Variants in ADCY4 observed in about 807,000 individuals in gnomAD.
The protein encoded by ADCY4 is adenylate cyclase type 4.
ADCY4 carries 111 observed loss-of-function variants against 125.5 expected under a neutral mutation model. The observed-to-expected ratio is 0.88, with a 90% CI of 0.76 to 1.04. The LOEUF (loss-of-function observed/expected upper bound fraction) is 1.04, where lower values mean the gene tolerates loss of function less well. Ranked by LOEUF, ADCY4 falls within the 50% of genes least tolerant of loss-of-function variation. The pLI, the probability that ADCY4 is intolerant of heterozygous loss-of-function variation, is 0.00. For missense variants in ADCY4, 1,256 were observed against 1,382.9 expected (o/e 0.91, Z 1.46); for synonymous variants, 576 against 586.9 (o/e 0.98, Z 0.27).
rs2041884569 is a variant in ADCY4 at position 24,323,242 on chromosome 14, G to T, written c.2157+102C>A. On this transcript the variant is annotated intron_variant, in intron 17 of 24. Transcript: ENST00000418030. ...TACACACTGGGTGTGACTTATGTCT[G>T]TTCTAATCCACAGAATGGAGCGTTC... 2.8e-6 allele frequency: 4 copies of T among 1,406,362 alleles called. No homozygotes were observed. In the Admixed American group the frequency reaches 6.0e-5, roughly 21 times the overall value. The allele number at this position is 1,406,362 out of a possible 1,614,324, so 87.1% of individuals were successfully genotyped here.
At chr14:24,323,214 T>C in intron 17 of ADCY4, 126 bp from the exon 18 acceptor site, 1 of 1,374,266 alleles carries the variant, frequency 7.3e-7, no homozygotes, top group Non-Finnish European at 1.0e-6. Flanking sequence ...TCATACACAC[T>C]GATACACACT....
chr14:24,325,904 G>C lies in ADCY4; in HGVS notation c.1656-17C>G. ...TTCCACTGTCTGGTGGGAGGTGGGA[G>C]GGTGGGTGAAAGCACCAGAGAACAG... On this transcript the variant is annotated splice_polypyrimidine_tract_variant and intron_variant, in intron 12 of 24. Transcript: ENST00000418030. 3 of 1,580,738 alleles carry C rather than the reference G, an allele frequency of 1.9e-6. No homozygotes were observed. Among genetic ancestry groups the C allele is most frequent in the Non-Finnish European group, 2.6e-6 (3 of 1,160,724 alleles).
intron 10 of ADCY4, 164 bp downstream of exon 10, chr14:24,328,897 C>A: frequency 1.2e-6 from 1 of 863,528 alleles, no homozygotes; most frequent in Non-Finnish European, 1.8e-6. Context: ...CAAGGAAGGG[C>A]CTGAACCAGT....
intron 14 of ADCY4, 34 bp from the exon 15 acceptor site, chr14:24,324,425 CAGAACAGGCTCCCTGTGTGCT>C: frequency 6.3e-7 from 1 of 1,576,814 alleles, no homozygotes; most frequent in Non-Finnish European, 8.7e-7. Context: ...CTTGAAGTGC[CAGAACAGGCTCCCTGTGTGCT>C]ATGAAGGTGC....
intron 19 of ADCY4, 119 bp from the exon 20 acceptor site, chr14:24,322,343 G>A: frequency 8.3e-7 from 1 of 1,197,910 alleles, no homozygotes; most frequent in Non-Finnish European, 1.2e-6. Context: ...CAGTTTAGAA[G>A]TAGAGCTTAA....
intron 11 of ADCY4, 27 bp from the exon 12 acceptor site, chr14:24,326,192 C>T (rs2041941361): frequency 1.9e-6 from 3 of 1,610,292 alleles, no homozygotes; most frequent in South Asian, 2.2e-5. Flanking sequence ...AAGTCCATCA[C>T]CACAGAGACC....
At position 24,323,467 on chromosome 14, in the gene ADCY4, TGAG is replaced by T. The variant is rs1396437352; in HGVS notation, c.2047-16_2047-14del. 1 of 1,551,448 alleles carries T rather than the reference TGAG, an allele frequency of 6.4e-7. No homozygotes were observed. The highest frequency in any genetic ancestry group is 2.0e-5 in the Admixed American group (1 of 50,998). ...TTGGGAAGAAGAACTGCAGAGGAGA[TGAG>T]GAGTTGAAGAGGCAGGTAGCTTCTT... On this transcript the variant is annotated splice_polypyrimidine_tract_variant and intron_variant, in intron 16 of 24. Transcript: ENST00000418030.
At chr14:24,325,322 G>A in intron 14 of ADCY4, 55 bp downstream of exon 14, 2 of 1,489,816 alleles carry the variant, frequency 1.3e-6, no homozygotes, top group Non-Finnish European at 1.9e-6. Flanking sequence ...GGGTCATGAG[G>A]GCAAGGTGAT....
Position 24,332,563 on chromosome 14 carries a change from G to GATAC in ADCY4, c.474_477dup (p.Leu160ValfsTer101). 6.3e-7 allele frequency: 1 copy of GATAC among 1,575,044 alleles called. No homozygotes were observed. The highest frequency in any genetic ancestry group is 8.6e-7 in the Non-Finnish European group (1 of 1,160,356). On this transcript the variant is annotated frameshift_variant, in exon 3 of 25. Coordinates refer to ENST00000418030, the MANE Select transcript of ADCY4 (RefSeq NM_001198568.2). LOFTEE classifies it high-confidence loss of function. ...GGCCGTGAGTCCGGCTGTGGCCCAA[G>GATAC]ATACAGCCCGAGGACCAGCAGATGC...
rs759403321 is a variant in ADCY4, at chr14:24,319,290, G to T, written c.2841+39C>A. 2 of 1,612,510 alleles carry T rather than the reference G, an allele frequency of 1.2e-6. No individual in the cohort carries two copies. The highest frequency in any genetic ancestry group is 1.7e-6 in the Non-Finnish European group (2 of 1,178,562). On this transcript the variant is annotated intron_variant, in intron 22 of 24. Coordinates refer to ENST00000418030, the MANE Select transcript of ADCY4 (RefSeq NM_001198568.2). The surrounding 1 kb of genome is among the most constrained non-coding windows in gnomAD (Gnocchi z 4.5). ...CCCACTAATAAGCCCATCAATGAGAGCCCAGAGGAGGATGGTAGGTAAGGA... is the reference window on the plus strand; with the variant it reads ...CCCACTAATAAGCCCATCAATGAGATCCCAGAGGAGGATGGTAGGTAAGGA...
intron 14 of ADCY4, among the ~76,000 whole-genome samples, chr14:24,324,789 C>T (rs1463718461): frequency 6.6e-6 from 1 of 151,848 alleles, no homozygotes; most frequent in African/African-American, 2.4e-5. Flanking sequence ...CTGCAAACTC[C>T]GCCTCCCGGG....
At chr14:24,327,454 TGCTGGA>T (rs1566437117) in intron 10 of ADCY4, among the ~76,000 whole-genome samples, 1 of 152,042 alleles carries the variant, frequency 6.6e-6, no homozygotes, top group Non-Finnish European at 1.5e-5. Flanking sequence ...ACTCCACCCA[TGCTGGA>T]GGTCTCATCC....
intron 16 of ADCY4, chr14:24,323,707 G>A: frequency 7.4e-7 from 1 of 1,355,560 alleles, no homozygotes. Context: ...TAGCCTCTCT[G>A]GGCCTTAGTT....
In ADCY4 at chr14:24,334,548, C is replaced by T. The variant is rs752968139; in HGVS notation, c.105G>A (p.Gly35=). Residue 35 remains glycine (G), a synonymous_variant, in exon 1 of 25, where the codon GGG becomes GGA. Coordinates refer to ENST00000418030, the MANE Select transcript of ADCY4 (RefSeq NM_001198568.2). ...GCGCCGCGAGCGCACAGAGCACGAT[C>T]CCCAGCAGCAGCAGCAGCAGCGGGT... ...QQYPLLLLLL[G]IVLCALAALL... 6 of 1,584,790 alleles carry T rather than the reference C, an allele frequency of 3.8e-6. No homozygotes were observed. The highest frequency in any genetic ancestry group is 2.6e-6 in the Non-Finnish European group (3 of 1,169,746).
rs770757680 is a variant in ADCY4, at chr14:24,325,885, T to C, written c.1658A>G (p.Gln553Arg). Reference protein sequence around the residue: ...QVIEQLNSQKQWKQSKDFNPL... With the variant: ...QVIEQLNSQKRWKQSKDFNPL... Reference sequence around the variant, plus strand: ...GTTGAAGTCCTTCGACTGCTTCCACTGTCTGGTGGGAGGTGGGAGGGTGGG... The same window carrying C: ...GTTGAAGTCCTTCGACTGCTTCCACCGTCTGGTGGGAGGTGGGAGGGTGGG... The change falls in exon 13 of 25, where the codon CAG (glutamine) becomes CGG (arginine). Residue 553 changes from glutamine (Q) to arginine (R), a missense_variant and splice_region_variant. Transcript: ENST00000418030. The C allele has an allele frequency of 5.0e-6, 8 of 1,590,102 alleles. No individual in the cohort carries two copies. The highest frequency in any genetic ancestry group is 6.9e-6 in the Non-Finnish European group (8 of 1,165,798).
At chr14:24,322,816 C>T (rs2041875717) in intron 18 of ADCY4, 88 bp downstream of exon 18, 2 of 1,542,502 alleles carry the variant, frequency 1.3e-6, no homozygotes, top group African/African-American at 1.4e-5. Context: ...GTGGGTGATT[C>T]AGGTCGGTGA....
intron 14 of ADCY4, among the ~76,000 whole-genome samples, chr14:24,324,712 CT>C (rs1056743687): frequency 1.4e-5 from 2 of 146,792 alleles, no homozygotes; most frequent in Admixed American, 6.8e-5. Flanking sequence ...TTTTTTTTTT[CT>C]TTTTTTTTGA....
chr14:24,322,775 G>C (rs2041874788), intron 18 of ADCY4, 67 bp from the exon 19 acceptor site: 1 of 1,570,970 alleles, frequency 6.4e-7, no homozygotes, highest in Non-Finnish European at 8.7e-7. Context: ...CTGCCCCCAT[G>C]TAGGCCTCCG....
At chr14:24,326,497 A>C in intron 10 of ADCY4, 155 bp from the exon 11 acceptor site, 2 of 816,122 alleles carry the variant, frequency 2.5e-6, no homozygotes, top group Non-Finnish European at 4.0e-6. Flanking sequence ...TGTCTCCCAA[A>C]TCCCACCTGC....
Sources: gnomAD v4.1 joint callset for allele counts (sites outside exome capture counted in the v4.1 genomes callset) on GRCh38, gnomAD v4.1.1 for gene constraint, Gnocchi (gnomAD v3.1) non-coding constraint, MANE v1.5 for transcripts, NCBI Gene and HGNC (gene_info 2026-07-23, HGNC 2026-07-21) for gene names.